OR1L8: variants seen among roughly 807,000 people sequenced by gnomAD.
OR1L8 encodes olfactory receptor family 1 subfamily L member 8, also known as olfactory receptor 1L8.
For synonymous variants in OR1L8, 148 were observed against 147.0 expected, an observed-to-expected ratio of 1.01 and a Z score of -0.05; for missense variants, 330 against 377.4, an observed-to-expected ratio of 0.87 and a Z score of 1.04.
the OR1L8 span, chr9:122,554,019 T>C: frequency 2.5e-6 from 4 of 1,613,820 alleles, no homozygotes; most frequent in Non-Finnish European, 3.4e-6. Context: ...ATCAACTTAC[T>C]CTACAGAGAG....
chr9:122,558,389 G>A, the OR1L8 span, among the ~76,000 whole-genome samples: 1 of 124,498 alleles, frequency 8.0e-6, no homozygotes, highest in Admixed American at 9.3e-5. Context: ...CTTTTGGATA[G>A]TTTGAGGGTA....
rs1273719125 is a variant in OR1L8, at chr9:122,567,588, A to G, written c.890T>C (p.Leu297Pro). 1 of 1,605,990 alleles carries G rather than the reference A, an allele frequency of 6.2e-7. No individual in the cohort carries two copies. The highest frequency in any genetic ancestry group is 1.7e-5 in the Admixed American group (1 of 58,468). Residue 297 changes from leucine to proline, a missense_variant, in exon 5 of 5, where the codon CTG becomes CCG. Leu to Pro is a moderately conservative substitution (Grantham distance 98, BLOSUM62 -3). Transcript: ENST00000641027. ...CATAAGCTTCCTCAGGCCCTGTTTC[A>G]GGTCTTTGTTTCTCAGGCTGTAGAT... Reference protein sequence around the residue: ...PFIYSLRNKDLKQGLRKLMSK... With the variant: ...PFIYSLRNKDPKQGLRKLMSK...
intron 1 of OR1L8, among the ~76,000 whole-genome samples, chr9:122,581,014 T>TA (rs1829732378): frequency 1.3e-5 from 2 of 152,164 alleles, no homozygotes; most frequent in South Asian, 4.1e-4. Flanking sequence ...AGGCCAGCTC[T>TA]AAAAAGAATT....
At chr9:122,551,094 A>G in the OR1L8 span, among the ~76,000 whole-genome samples, 2 of 152,222 alleles carry the variant, frequency 1.3e-5, no homozygotes, top group Admixed American at 1.3e-4. Context: ...AAAAATCAGT[A>G]GCATTTCTAC....
the OR1L8 span, among the ~76,000 whole-genome samples, chr9:122,556,067 CT>C: frequency 6.6e-6 from 1 of 152,298 alleles, no homozygotes; most frequent in Admixed American, 6.5e-5. Context: ...AACCACTGAT[CT>C]TTTTACTGTC....
At chr9:122,548,589 T>TTA in the OR1L8 span, among the ~76,000 whole-genome samples, 30 of 151,276 alleles carry the variant, frequency 2.0e-4, no homozygotes, top group Admixed American at 9.2e-4. Flanking sequence ...TTTAAAATTT[T>TTA]TATATATATA....
At chr9:122,574,530 T>C (rs1829608341) in intron 3 of OR1L8, among the ~76,000 whole-genome samples, 1 of 152,192 alleles carries the variant, frequency 6.6e-6, no homozygotes. Flanking sequence ...GGCTTTTGTA[T>C]ATTAATCCTG....
intron 4 of OR1L8, among the ~76,000 whole-genome samples, chr9:122,569,829 C>T (rs1360575954): frequency 6.6e-6 from 1 of 151,830 alleles, no homozygotes; most frequent in Non-Finnish European, 1.5e-5. Flanking sequence ...TCCCTCCCCC[C>T]TGCCCCCACC....
chr9:122,567,440 G>T lies in OR1L8; in HGVS notation c.*108C>A. On this transcript the variant is annotated 3_prime_UTR_variant, in exon 5 of 5. Coordinates refer to ENST00000641027, the MANE Select transcript of OR1L8 (RefSeq NM_001004454.2). Reference sequence around the variant, plus strand: ...TGCCCACAATAGCCTTGTCTCACATGGGTCAGAAGTGCTAGCTTCCAACAG... The same window carrying T: ...TGCCCACAATAGCCTTGTCTCACATTGGTCAGAAGTGCTAGCTTCCAACAG... The T allele has an allele frequency of 1.3e-6, 1 of 774,032 alleles. No homozygotes were observed. The highest frequency in any genetic ancestry group is 2.5e-5 in the East Asian group (1 of 39,766). The allele number at this position is 774,032 out of a possible 1,614,324, so 47.9% of individuals were successfully genotyped here.
At chr9:122,578,660 G>T (rs1460561946) in intron 1 of OR1L8, among the ~76,000 whole-genome samples, 1 of 151,712 alleles carries the variant, frequency 6.6e-6, no homozygotes, top group East Asian at 1.9e-4. Context: ...CGGCAACCTG[G>T]ATGGAACTGG....
the OR1L8 span, among the ~76,000 whole-genome samples, chr9:122,552,393 A>C: frequency 6.6e-6 from 1 of 152,200 alleles, no homozygotes; most frequent in East Asian, 1.9e-4. Flanking sequence ...AATGTAGTAC[A>C]AATGTAGGGG....
At chr9:122,564,053 T>C (rs986734402), downstream of OR1L8, among the ~76,000 whole-genome samples, 5 of 152,194 alleles carry the variant, frequency 3.3e-5, no homozygotes, top group Non-Finnish European at 7.3e-5. Context: ...CTCCTGTCAT[T>C]TCCCAAGGTA....
chr9:122,550,415 T>C, the OR1L8 span, among the ~76,000 whole-genome samples: 74,378 of 151,942 alleles, frequency 0.49, 19,541 homozygotes, highest in East Asian at 0.87. Flanking sequence ...AGGTATCACC[T>C]GGATATCAAA....
chr9:122,571,518 C>G (rs1829548744), intron 4 of OR1L8, among the ~76,000 whole-genome samples: 1 of 148,700 alleles, frequency 6.7e-6, no homozygotes, highest in Non-Finnish European at 1.5e-5. Context: ...CCACTGCACT[C>G]CAGCCTGGCC....
intron 3 of OR1L8, among the ~76,000 whole-genome samples, chr9:122,575,645 T>C (rs1184544694): frequency 6.6e-6 from 1 of 152,140 alleles, no homozygotes; most frequent in Non-Finnish European, 1.5e-5. Flanking sequence ...AATTTTATTG[T>C]ATATATTTGA....
At chr9:122,557,102 T>C in the OR1L8 span, among the ~76,000 whole-genome samples, 1 of 152,178 alleles carries the variant, frequency 6.6e-6, no homozygotes, top group African/African-American at 2.4e-5. Context: ...GAAACCTTGC[T>C]ATAATTCTTT....
chr9:122,580,622 G>T (rs542811147), intron 1 of OR1L8, among the ~76,000 whole-genome samples: 18 of 152,074 alleles, frequency 1.2e-4, no homozygotes, highest in Non-Finnish European at 5.9e-5. Flanking sequence ...AAAAGGCAAA[G>T]GTTTCAATGA....
the OR1L8 span, among the ~76,000 whole-genome samples, chr9:122,561,451 T>C: frequency 6.6e-6 from 1 of 152,184 alleles, no homozygotes; most frequent in African/African-American, 2.4e-5. Flanking sequence ...GTTTTTTCGT[T>C]GATTCTTTCT....
chr9:122,546,576 G>A, the OR1L8 span, among the ~76,000 whole-genome samples: 3 of 151,938 alleles, frequency 2.0e-5, no homozygotes, highest in Non-Finnish European at 4.4e-5. Context: ...AAAATGCTAC[G>A]GATACAACTA....
Sources: gnomAD v4.1 joint callset for allele counts (sites outside exome capture counted in the v4.1 genomes callset) on GRCh38, gnomAD v4.1.1 for gene constraint, MANE v1.5 for transcripts, NCBI Gene and HGNC (gene_info 2026-07-23, HGNC 2026-07-21) for gene names.